DMD: variants seen among roughly 807,000 people sequenced by gnomAD.
The protein encoded by DMD is dystrophin, also known as mutant dystrophin.
A neutral mutation model predicts 330.1 loss-of-function variants in DMD; 63 were observed. The ratio of observed to expected loss-of-function variants is 0.19; its 90% confidence interval spans 0.16 to 0.24. The LOEUF (loss-of-function observed/expected upper bound fraction) is 0.24. Among genes scored for constraint, DMD ranks in the 10% least tolerant of loss-of-function variants. DMD has a pLI of 1.00. For synonymous variants in DMD, 1,223 were observed against 959.8 expected (o/e 1.27, Z -5.07); for missense variants, 3,344 against 2,684.1 (o/e 1.25, Z -5.43).
chrX:31,629,091 A>G (rs957997874), intron 54 of DMD, among the ~76,000 whole-genome samples: 3 of 110,988 alleles, frequency 2.7e-5, no homozygotes, highest in African/African-American at 9.8e-5. Context: ...TTAGTACTCT[A>G]TTTAAATGTC....
rs192004962 is a variant in DMD, at chrX:32,518,117, A to G, written c.2183T>C (p.Ile728Thr). The G allele has an allele frequency of 1.8e-5, 22 of 1,207,927 alleles. No individual in the cohort carries two copies. In the African/African-American group the frequency reaches 2.4e-4, roughly 13 times the overall value. ...SEIRKRLDVDITELHSWITRS... is the reference protein window; with the variant it reads ...SEIRKRLDVDTTELHSWITRS... ...AGTAATCCAGCTGTGAAGTTCAGTT[A>G]TATCAACATCCAACCTAAGACAGCA... is the stretch of plus-strand genomic sequence containing the variant. Residue 728 changes from isoleucine (I) to threonine (T), a missense_variant, in exon 18 of 79, where the codon ATA becomes ACA. By Grantham distance (89) the Ile-to-Thr change is moderately conservative. Coordinates refer to ENST00000357033, the MANE Select transcript of DMD (RefSeq NM_004006.3).
intron 74 of DMD, among the ~76,000 whole-genome samples, chrX:31,162,917 T>C (rs2039008925): frequency 8.9e-6 from 1 of 111,990 alleles, no homozygotes; most frequent in African/African-American, 3.2e-5. Flanking sequence ...ATAATGGTGA[T>C]TCCACTTCTA....
chrX:32,034,571 A>G (rs1369569824), intron 44 of DMD, among the ~76,000 whole-genome samples: 1 of 111,711 alleles, frequency 9.0e-6, no homozygotes, highest in Admixed American at 9.6e-5. Context: ...TAGAAAACGT[A>G]TATGCTGAAA....
rs149033832 is a variant in DMD at position 32,645,806 on chromosome X, T to C, written c.961-654A>G. Among the ~76,000 whole-genome samples, 463 of 112,497 alleles carry C rather than the reference T, an allele frequency of 4.1e-3. 7 individuals carry two copies. Among genetic ancestry groups the C allele is most frequent in the Admixed American group, 0.032 (336 of 10,577 alleles). Reference sequence around the variant, plus strand: ...AAAATATGAAGTATGCTTTACCCAATTTAATTAGCAGGATATTAAGTGAGA... The same window carrying C: ...AAAATATGAAGTATGCTTTACCCAACTTAATTAGCAGGATATTAAGTGAGA... On this transcript the variant is annotated intron_variant, in intron 9 of 78. Transcript: ENST00000357033.
intron 9 of DMD, among the ~76,000 whole-genome samples, chrX:32,685,900 C>A (rs1358301074): frequency 9.0e-6 from 1 of 111,508 alleles, no homozygotes; most frequent in East Asian, 2.8e-4. Flanking sequence ...AAATATGTGA[C>A]CGTTAATTAT....
intron 52 of DMD, among the ~76,000 whole-genome samples, chrX:31,694,239 T>C (rs2083298967): frequency 1.8e-5 from 2 of 110,904 alleles, no homozygotes; most frequent in African/African-American, 3.3e-5. Context: ...TCACCCCTTA[T>C]ACAAGAATCA....
At chrX:32,595,684 A>T in intron 13 of DMD, 73 bp downstream of exon 13, 1 of 1,057,674 alleles carries the variant, frequency 9.5e-7, no homozygotes, top group Non-Finnish European at 1.3e-6. Flanking sequence ...TTGCATTCTA[A>T]ATTTTTAAAA....
chrX:31,138,936 CCAAAAA>C (rs1282515418), intron 76 of DMD, among the ~76,000 whole-genome samples: 4 of 111,671 alleles, frequency 3.6e-5, no homozygotes, highest in Non-Finnish European at 5.6e-5. Context: ...CCCCTCATCA[CCAAAAA>C]CAAAAACACC....
intron 44 of DMD, among the ~76,000 whole-genome samples, chrX:32,036,588 C>T (rs758649048): frequency 1.8e-5 from 2 of 111,170 alleles, no homozygotes; most frequent in Non-Finnish European, 3.8e-5. Flanking sequence ...GTATTTTAAG[C>T]TTGAAGCACC....
intron 2 of DMD, among the ~76,000 whole-genome samples, chrX:32,934,853 GCT>G (rs2089871172): frequency 8.9e-6 from 1 of 112,259 alleles, no homozygotes; most frequent in African/African-American, 3.2e-5. Flanking sequence ...TCTTTTGTTT[GCT>G]CATTTGTTTT....
At chrX:32,221,357 T>A (rs113972573) in intron 43 of DMD, among the ~76,000 whole-genome samples, 1 of 108,083 alleles carries the variant, frequency 9.3e-6, no homozygotes, top group Non-Finnish European at 1.9e-5. Flanking sequence ...TGCGAATAAA[T>A]AAGTTAGTTA....
At chrX:32,636,954 C>A (rs893908392) in intron 11 of DMD, among the ~76,000 whole-genome samples, 1 of 109,068 alleles carries the variant, frequency 9.2e-6, no homozygotes, top group African/African-American at 3.3e-5. Context: ...GCCGAGATAG[C>A]GCCACTGCAC....
At chrX:32,786,429 CT>C (rs1170950235) in intron 7 of DMD, among the ~76,000 whole-genome samples, 1 of 110,749 alleles carries the variant, frequency 9.0e-6, no homozygotes, top group Non-Finnish European at 1.9e-5. Flanking sequence ...ATTTTCATAA[CT>C]GGTGAGTGTC....
intron 31 of DMD, 111 bp from the exon 32 acceptor site, chrX:32,389,785 A>T (rs2097988004): frequency 2.7e-6 from 2 of 753,950 alleles, no homozygotes; most frequent in Non-Finnish European, 3.9e-6. Context: ...CAGAAAAATA[A>T]AAACAAAATA....
chrX:32,535,109 A>G (rs990722734), intron 17 of DMD, among the ~76,000 whole-genome samples: 1 of 111,903 alleles, frequency 8.9e-6, no homozygotes, highest in African/African-American at 3.3e-5. Flanking sequence ...CACATGTAAT[A>G]TAATTTCCAC....
intron 4 of DMD, among the ~76,000 whole-genome samples, chrX:32,830,547 C>A (rs1181428554): frequency 1.8e-5 from 2 of 111,332 alleles, no homozygotes; most frequent in Admixed American, 9.6e-5. Context: ...TGTGGTTACC[C>A]AAAGTTCTGC....
intron 60 of DMD, among the ~76,000 whole-genome samples, chrX:31,399,216 G>A (rs2061077196): frequency 9.1e-6 from 1 of 109,749 alleles, no homozygotes; most frequent in African/African-American, 3.3e-5. Flanking sequence ...CAATGAAAGT[G>A]GCTCTCAGTG....
At chrX:32,718,319 G>C (rs746616651) in intron 7 of DMD, among the ~76,000 whole-genome samples, 11 of 110,862 alleles carry the variant, frequency 9.9e-5, no homozygotes, top group Admixed American at 1.9e-4. Context: ...CATGATATCT[G>C]GTTGTGTGAA....
At chrX:32,515,875 T>A (rs2045811072) in intron 18 of DMD, among the ~76,000 whole-genome samples, 1 of 111,924 alleles carries the variant, frequency 8.9e-6, no homozygotes, top group Non-Finnish European at 1.9e-5. Flanking sequence ...AGAAGTCAGC[T>A]TTTAAATAAG....
Sources: allele counts gnomAD v4.1 joint callset (sites outside exome capture counted in the v4.1 genomes callset), GRCh38; gene constraint gnomAD v4.1.1; transcripts MANE v1.5; gene names NCBI Gene and HGNC (gene_info 2026-07-23, HGNC 2026-07-21).